The following PTPRD variants were observed in gnomAD, a reference collection of about 807,000 sequenced individuals.
PTPRD encodes receptor-type tyrosine-protein phosphatase delta.
A neutral mutation model predicts 214.5 loss-of-function variants in PTPRD; 34 were observed. The observed-to-expected ratio is 0.16, with a 90% CI of 0.12 to 0.21. The LOEUF is 0.21. Ranked by LOEUF, PTPRD falls within the 10% of genes least tolerant of loss-of-function variation. The pLI, the probability that PTPRD is intolerant of heterozygous loss-of-function variation, is 1.00. For synonymous variants in PTPRD, 1,128 were observed against 845.7 expected, an observed-to-expected ratio of 1.33 and a Z score of -5.79; for missense variants, 2,545 against 2,398.7, an observed-to-expected ratio of 1.06 and a Z score of -1.27.
At chr9:10,289,096 A>G (rs925517316) in intron 3 of PTPRD, among the ~76,000 whole-genome samples, 5 of 151,860 alleles carry the variant, frequency 3.3e-5, no homozygotes, top group Admixed American at 6.6e-5. Context: ...TTCAAATTTA[A>G]TGAAAAGCCT....
chr9:8,605,643 C>T (rs1254570591), intron 14 of PTPRD, among the ~76,000 whole-genome samples: 2 of 152,204 alleles, frequency 1.3e-5, no homozygotes, highest in Non-Finnish European at 2.9e-5. Flanking sequence ...TTTCAAGATA[C>T]TGTGAGGATG....
At chr9:10,092,514 G>C (rs1034633593) in intron 3 of PTPRD, among the ~76,000 whole-genome samples, 1 of 151,280 alleles carries the variant, frequency 6.6e-6, no homozygotes, top group African/African-American at 2.4e-5. Flanking sequence ...GCCAAAATGT[G>C]TCCTACAAAA....
chr9:8,358,903 C>A (rs968502069), intron 39 of PTPRD, among the ~76,000 whole-genome samples: 63 of 151,178 alleles, frequency 4.2e-4, no homozygotes, highest in Admixed American at 4.1e-3. Context: ...GTCAGGAGAT[C>A]GAGACCATCC....
chr9:10,094,064 G>T (rs2098459380), intron 3 of PTPRD, among the ~76,000 whole-genome samples: 1 of 151,036 alleles, frequency 6.6e-6, no homozygotes, highest in Non-Finnish European at 1.5e-5. Flanking sequence ...TAACAAATCT[G>T]CACATGTACC....
At chr9:8,754,947 T>C (rs1182361639) in intron 11 of PTPRD, among the ~76,000 whole-genome samples, 1 of 151,952 alleles carries the variant, frequency 6.6e-6, no homozygotes, top group Non-Finnish European at 1.5e-5. Context: ...ACTGAACATA[T>C]GAAAAAGGAC....
intron 8 of PTPRD, among the ~76,000 whole-genome samples, chr9:9,563,825 T>C (rs1320824603): frequency 1.3e-5 from 2 of 152,188 alleles, no homozygotes; most frequent in Non-Finnish European, 2.9e-5. Flanking sequence ...TAGAATTGAC[T>C]CATATTGACA....
intron 10 of PTPRD, among the ~76,000 whole-genome samples, chr9:9,134,173 C>T (rs2099847304): frequency 6.9e-6 from 1 of 144,302 alleles, no homozygotes; most frequent in African/African-American, 2.7e-5. Flanking sequence ...CCCGGGTTCA[C>T]GCCATTCTCC....
At chr9:9,716,007 C>A (rs1207536749) in intron 7 of PTPRD, among the ~76,000 whole-genome samples, 1 of 152,018 alleles carries the variant, frequency 6.6e-6, no homozygotes, top group Non-Finnish European at 1.5e-5. Context: ...TCCCCTCTCC[C>A]CCCACCCCAC....
intron 3 of PTPRD, among the ~76,000 whole-genome samples, chr9:10,061,289 G>A (rs2097774051): frequency 6.6e-6 from 1 of 151,950 alleles, no homozygotes; most frequent in Admixed American, 6.6e-5. Flanking sequence ...TATATAACTT[G>A]TTCCAATGAG....
At chr9:9,981,919 G>A (rs565739764) in intron 4 of PTPRD, among the ~76,000 whole-genome samples, 1 of 152,068 alleles carries the variant, frequency 6.6e-6, no homozygotes, top group Non-Finnish European at 1.5e-5. Context: ...TGTTGTTCAA[G>A]GTGTCTCAAA....
intron 2 of PTPRD, among the ~76,000 whole-genome samples, chr9:10,563,486 T>A (rs1425664012): frequency 2.0e-5 from 3 of 152,204 alleles, no homozygotes; most frequent in African/African-American, 7.2e-5. Context: ...AAACCAGTGT[T>A]TCCCTCTTAA....
chr9:8,595,320 A>T (rs2094422132), intron 14 of PTPRD, among the ~76,000 whole-genome samples: 1 of 152,146 alleles, frequency 6.6e-6, no homozygotes, highest in Admixed American at 6.5e-5. Flanking sequence ...AAGAAGGATC[A>T]GCCAGGTGTT....
At chr9:10,511,996 G>GTATATATATATATACGTGTGTGTA (rs1566642140) in intron 2 of PTPRD, among the ~76,000 whole-genome samples, 2 of 81,880 alleles carry the variant, frequency 2.4e-5, no homozygotes, top group Non-Finnish European at 4.5e-5. Context: ...ATACGTGTGT[G>GTATATATATATATACGTGTGTGTA]TATATATATA....
At chr9:10,075,218 A>T (rs2154183598) in intron 3 of PTPRD, among the ~76,000 whole-genome samples, 1 of 152,136 alleles carries the variant, frequency 6.6e-6, no homozygotes, top group East Asian at 1.9e-4. Flanking sequence ...ATTACTGAAA[A>T]CCTACTTGCT....
In PTPRD at chr9:9,413,304, C is replaced by T. The variant is rs939339416; in HGVS notation, c.-236-15822G>A. 5.5e-4 allele frequency among the ~76,000 whole-genome samples: 82 copies of T among 148,462 alleles called. 1 individual carries two copies. The highest frequency in any genetic ancestry group is 1.9e-3 in the African/African-American group (78 of 40,306). ...TAATTTTTTGTATTTTTAGTAGAGACGGGGTTTCACCTTGTTAGCCAGGAT... is the reference window on the plus strand; with the variant it reads ...TAATTTTTTGTATTTTTAGTAGAGATGGGGTTTCACCTTGTTAGCCAGGAT... On this transcript the variant is annotated intron_variant, in intron 8 of 45. Transcript: ENST00000381196.
intron 11 of PTPRD, among the ~76,000 whole-genome samples, chr9:8,878,521 T>G (rs1403375970): frequency 6.6e-6 from 1 of 151,992 alleles, no homozygotes; most frequent in Non-Finnish European, 1.5e-5. Flanking sequence ...CTTTCTTTCT[T>G]TTCTTTTTTT....
chr9:8,374,701 G>A (rs898124043), intron 39 of PTPRD, among the ~76,000 whole-genome samples: 6 of 151,974 alleles, frequency 3.9e-5, no homozygotes, highest in African/African-American at 9.7e-5. Context: ...GCATAGGGGA[G>A]TGCTTTGAAA....
intron 10 of PTPRD, among the ~76,000 whole-genome samples, chr9:9,116,854 A>G (rs968170820): frequency 1.3e-5 from 2 of 152,098 alleles, no homozygotes; most frequent in African/African-American, 4.8e-5. Flanking sequence ...ACAGTTTGTA[A>G]TTAAATGTAT....
chr9:10,424,574 T>C (rs2098594854), intron 2 of PTPRD, among the ~76,000 whole-genome samples: 1 of 151,856 alleles, frequency 6.6e-6, no homozygotes, highest in African/African-American at 2.4e-5. Context: ...ACTTGTCCTC[T>C]CTCCCACCTG....
Sources: gnomAD v4.1 joint callset for allele counts (sites outside exome capture counted in the v4.1 genomes callset) on GRCh38, gnomAD v4.1.1 for gene constraint, MANE v1.5 for transcripts, NCBI Gene and HGNC (gene_info 2026-07-23, HGNC 2026-07-21) for gene names.